SEMA4C: variants seen among roughly 807,000 people sequenced by gnomAD.
SEMA4C encodes semaphorin 4C, also known as semaphorin-4C.
Under a neutral mutation model 89.0 loss-of-function variants are expected in SEMA4C, and 19 were observed. The observed-to-expected ratio is 0.21, with a 90% CI of 0.15 to 0.31. The LOEUF (loss-of-function observed/expected upper bound fraction) is 0.31, where lower values mean the gene tolerates loss of function less well. Ranked by LOEUF, SEMA4C falls within the 10% of genes least tolerant of loss-of-function variation. The pLI is 1.00. For synonymous variants in SEMA4C, 428 were observed against 472.7 expected (o/e 0.91, Z 1.23); for missense variants, 811 against 1,107.0 (o/e 0.73, Z 3.79).
At position 96,861,324 on chromosome 2, in the gene SEMA4C, A is replaced by T. The variant is rs142553481; in HGVS notation, c.1804T>A (p.Ser602Thr). The T allele has an allele frequency of 1.9e-3, 2,978 of 1,607,074 alleles. 4 individuals are homozygous for T. Among genetic ancestry groups the T allele is most frequent in the Non-Finnish European group, 2.3e-3 (2,668 of 1,179,932 alleles). The change falls in exon 15 of 15, where the codon TCC becomes ACC. Residue 602 changes from serine (S) to threonine (T), a missense_variant. By Grantham distance (58) the Ser-to-Thr change is moderately conservative (BLOSUM62 1). Around this residue, in one of 4 missense-constraint regions of SEMA4C, gnomAD observed 441 missense variants for 664.9 expected, o/e 0.66. Coordinates refer to ENST00000305476, the MANE Select transcript of SEMA4C (RefSeq NM_017789.5). This position sits in a 1 kb window ranked among gnomAD's most constrained non-coding sequence, Gnocchi z 7.8. ...GRDLPAEQPG[S>T]FLYDARLQAL... ...TGGAGCCGGGCATCGTAGAGGAAGG[A>T]CCCGGGCTGTTCCGCAGGCAGGTCC...
In SEMA4C at chr2:96,861,036, C is replaced by A; in HGVS notation, c.2092G>T (p.Ala698Ser). ...RRLREELEKG[A>S]KATERTLVYP... ...ACCAAGGTCCTCTCAGTAGCCTTGG[C>A]CCCTTTCTCCAGCTCTTCCCGCAGC... The change falls in exon 15 of 15, where the codon GCC (alanine) becomes TCC (serine). Residue 698 changes from alanine to serine, a missense_variant. This residue lies in a region of SEMA4C where 248 missense variants were observed against 269.0 expected (regional missense o/e 0.92). Transcript: ENST00000305476. This position sits in a 1 kb window ranked among gnomAD's most constrained non-coding sequence, Gnocchi z 7.8. The A allele has an allele frequency of 6.2e-7, 1 of 1,612,906 alleles. No homozygotes were observed. The highest frequency in any genetic ancestry group is 8.5e-7 in the Non-Finnish European group (1 of 1,179,994).
At position 96,864,499 on chromosome 2, in the gene SEMA4C, G is replaced by A; in HGVS notation, c.963-117C>T. 6.8e-7 allele frequency: 1 copy of A among 1,477,836 alleles called. No homozygotes were observed. 91.5% of individuals were successfully genotyped at this position (1,477,836 alleles called of 1,614,324 possible). On this transcript the variant is annotated intron_variant, in intron 9 of 14. Coordinates refer to ENST00000305476, the MANE Select transcript of SEMA4C (RefSeq NM_017789.5). The surrounding 1 kb of genome is among the most constrained non-coding windows in gnomAD (Gnocchi z 6.3). ...ACAAACTGGCCATGGGTACCAGAAT[G>A]CCCTGGCAGCTCAAGTGCCACCTGG... is the stretch of plus-strand genomic sequence containing the variant.
In SEMA4C at chr2:96,861,474, CAG is replaced by C. The variant is rs1381130707; in HGVS notation, c.1673-21_1673-20del. Reference sequence around the variant, plus strand: ...GGCCTGACTGTAGTGGCAGAGAAAACAGAGTGCATGTTAGTGCAGGAAAGCAG... The same window carrying C: ...GGCCTGACTGTAGTGGCAGAGAAAACAGTGCATGTTAGTGCAGGAAAGCAG... On this transcript the variant is annotated intron_variant, in intron 14 of 14. Coordinates refer to ENST00000305476, the MANE Select transcript of SEMA4C (RefSeq NM_017789.5). This position sits in a 1 kb window ranked among gnomAD's most constrained non-coding sequence, Gnocchi z 7.8. The C allele has an allele frequency of 6.2e-7, 1 of 1,612,684 alleles. No homozygotes were observed. Among genetic ancestry groups the C allele is most frequent in the Non-Finnish European group, 8.5e-7 (1 of 1,179,264 alleles).
Position 96,866,363 on chromosome 2 carries a change from C to T in SEMA4C, c.178G>A (p.Glu60Lys). The T allele has an allele frequency of 6.2e-7, 1 of 1,613,952 alleles. No homozygotes were observed. The highest frequency in any genetic ancestry group is 1.3e-5 in the African/African-American group (1 of 75,088). ...CCCACGTACAGAAGCCCAGTGGGCT[C>T]CGTCAGCGTCAGTGTCAGGAAGTCC... The part of the protein sequence containing the change: ...IQDFLTLTLT[E>K]PTGLLYVGAR... The change falls in exon 3 of 15, where the codon GAG becomes AAG. Residue 60 changes from glutamate (E) to lysine (K), a missense_variant. Around this residue, in one of 4 missense-constraint regions of SEMA4C, gnomAD observed 119 missense variants for 152.7 expected, o/e 0.78. Coordinates refer to ENST00000305476, the MANE Select transcript of SEMA4C (RefSeq NM_017789.5).
intron 6 of SEMA4C, 53 bp downstream of exon 6, chr2:96,865,388 G>A: frequency 6.2e-7 from 1 of 1,611,274 alleles, no homozygotes; most frequent in Non-Finnish European, 8.5e-7. Flanking sequence ...ACAGACCCAA[G>A]TGGAACCAAG....
chr2:96,860,659 C>T lies in SEMA4C; in HGVS notation c.2469G>A (p.Leu823=). ...ATGACTCCTCGGGGTTGGAGTCGGG[C>T]AGTGGCTGGCGTTGCTGCAGTTTGC... ...LRRKLQQRQP[L]PDSNPEESSV is the part of the protein sequence containing the mutation. The change falls in exon 15 of 15, where the codon CTG becomes CTA. Residue 823 remains leucine (L), a synonymous_variant. Coordinates refer to ENST00000305476, the MANE Select transcript of SEMA4C (RefSeq NM_017789.5). 6.2e-7 allele frequency: 1 copy of T among 1,612,016 alleles called. No homozygotes were observed.
Position 96,861,213 on chromosome 2 carries a change from C to T in SEMA4C, c.1915G>A (p.Glu639Lys), listed in dbSNP as rs1206866071. ...GCCACGACAGCCACAAGGTAGCCTT[C>T]AGCAGCCAGCCGCGCCCCCTGCTCC... Reference protein sequence around the residue: ...SEEQGARLAAEGYLVAVVAGP... With the variant: ...SEEQGARLAAKGYLVAVVAGP... Residue 639 changes from glutamate to lysine, a missense_variant, in exon 15 of 15, where the codon GAA becomes AAA. This residue lies in a region of SEMA4C where 248 missense variants were observed against 269.0 expected (regional missense o/e 0.92). Coordinates refer to ENST00000305476, the MANE Select transcript of SEMA4C (RefSeq NM_017789.5). The surrounding 1 kb of genome is among the most constrained non-coding windows in gnomAD (Gnocchi z 7.8). 4 of 1,610,544 alleles carry T rather than the reference C, an allele frequency of 2.5e-6. No individual in the cohort carries two copies. The highest frequency in any genetic ancestry group is 3.4e-6 in the Non-Finnish European group (4 of 1,179,730).
Position 96,866,380 on chromosome 2 carries a change from AG to A in SEMA4C, c.160del (p.Leu54Ter). The A allele has an allele frequency of 6.2e-7, 1 of 1,613,964 alleles. No individual in the cohort carries two copies. The highest frequency in any genetic ancestry group is 8.5e-7 in the Non-Finnish European group (1 of 1,180,030). ...RFSQTGIQDF[L>X]TLTLTEPTGL... is the part of the protein sequence containing the mutation. ...AGTGGGCTCCGTCAGCGTCAGTGTC[AG>A]GAAGTCCTGGATGCCGGTCTGGGAG... On this transcript the variant is annotated frameshift_variant, in exon 3 of 15. Transcript: ENST00000305476. LOFTEE classifies it high-confidence loss of function.
intron 1 of SEMA4C, chr2:96,868,843 C>A: frequency 1.0e-6 from 1 of 985,422 alleles, no homozygotes. Context: ...TCTGACGAAC[C>A]TTCCCAACTC....
At chr2:96,870,401 G>T, upstream of SEMA4C, 3 of 680,460 alleles carry the variant, frequency 4.4e-6, no homozygotes, top group Non-Finnish European at 5.4e-6. Context: ...AGTGTCCCCC[G>T]AAGACTCCGG....
In SEMA4C at chr2:96,860,507, G is replaced by A; in HGVS notation, c.*119C>T. 1 of 916,432 alleles carries A rather than the reference G, an allele frequency of 1.1e-6. No individual in the cohort carries two copies. Among genetic ancestry groups the A allele is most frequent in the African/African-American group, 1.7e-5 (1 of 60,138 alleles). 56.8% of individuals were successfully genotyped at this position (916,432 alleles called of 1,614,324 possible). A position where few individuals can be genotyped will look rare whatever the true frequency, so the allele number is the denominator to read the frequency against. ...AGGTCCTCATGGCCGGGTGGGTGCTGGGCAGTATCTGTCCCAGACAGAGCA... is the reference window on the plus strand; with the variant it reads ...AGGTCCTCATGGCCGGGTGGGTGCTAGGCAGTATCTGTCCCAGACAGAGCA... On this transcript the variant is annotated 3_prime_UTR_variant, in exon 15 of 15. Transcript: ENST00000305476.
At position 96,863,936 on chromosome 2, in the gene SEMA4C, G is replaced by A. The variant is rs2153363460; in HGVS notation, c.1320C>T (p.Phe440=). Reference sequence around the variant, plus strand: ...TACCCATGCACCCACCTGTGCCAATGAACAGCACTGTATAGGTGGCTCCAT... The same window carrying A: ...TACCCATGCACCCACCTGTGCCAATAAACAGCACTGTATAGGTGGCTCCAT... ...GLDGATYTVL[F]IGTGDGWLLK... is the part of the protein sequence containing the mutation. Residue 440 remains phenylalanine, a synonymous_variant, in exon 11 of 15, where the codon TTC becomes TTT. Coordinates refer to ENST00000305476, the MANE Select transcript of SEMA4C (RefSeq NM_017789.5). The A allele has an allele frequency of 1.9e-6, 3 of 1,609,582 alleles. No homozygotes were observed. Among genetic ancestry groups the A allele is most frequent in the Non-Finnish European group, 2.5e-6 (3 of 1,177,100 alleles).
rs1163775938 is a variant in SEMA4C at position 96,864,668 on chromosome 2, G to A, written c.962+37C>T. 1.3e-6 allele frequency: 2 copies of A among 1,574,426 alleles called. No homozygotes were observed. The highest frequency in any genetic ancestry group is 1.7e-6 in the Non-Finnish European group (2 of 1,157,082). On this transcript the variant is annotated intron_variant, in intron 9 of 14. Transcript: ENST00000305476. The surrounding 1 kb of genome is among the most constrained non-coding windows in gnomAD (Gnocchi z 6.3). The stretch of plus-strand genomic sequence containing the variant: ...TGCACCGTCCCTGACCTGAACCCCA[G>A]CTCCTCCCCACTCTGTGGGAGCCCT...
At chr2:96,867,727 AC>A in intron 2 of SEMA4C, 50 bp downstream of exon 2, 1 of 1,556,148 alleles carries the variant, frequency 6.4e-7, no homozygotes, top group Non-Finnish European at 8.8e-7. Context: ...TATGGGGGCA[AC>A]TCCTCAGCAG....
chr2:96,861,776 A>G lies in SEMA4C; in HGVS notation c.1562T>C (p.Val521Ala). The change falls in exon 13 of 15, where the codon GTC becomes GCC. Residue 521 changes from valine (V) to alanine (A), a missense_variant. Around this residue, in one of 4 missense-constraint regions of SEMA4C, gnomAD observed 441 missense variants for 664.9 expected, o/e 0.66. Coordinates refer to ENST00000305476, the MANE Select transcript of SEMA4C (RefSeq NM_017789.5). This position sits in a 1 kb window ranked among gnomAD's most constrained non-coding sequence, Gnocchi z 7.8. ...CACGGCCACACAGCGGCTGGTGTTG[A>G]CGCTCCAGGCGCAATAGGGGTCCCG... ...LARDPYCAWS[V>A]NTSRCVAVGG... The G allele has an allele frequency of 6.2e-7, 1 of 1,613,414 alleles. No homozygotes were observed. Among genetic ancestry groups the G allele is most frequent in the Non-Finnish European group, 8.5e-7 (1 of 1,179,994 alleles).
At chr2:96,863,660 C>T in intron 12 of SEMA4C, 22 bp downstream of exon 12, 1 of 1,593,188 alleles carries the variant, frequency 6.3e-7, no homozygotes. Flanking sequence ...GGGACAGTGG[C>T]AGATAGGGCC....
intron 12 of SEMA4C, 173 bp from the exon 13 acceptor site, chr2:96,862,067 T>A (rs1414401184): frequency 2.5e-5 from 17 of 687,234 alleles, no homozygotes; most frequent in Non-Finnish European, 3.1e-5. Context: ...AAAAGGGAAC[T>A]CTAAGAACCG....
Position 96,864,942 on chromosome 2 carries a change from CCA to C in SEMA4C, c.786+20_786+21del. 6.2e-7 allele frequency: 1 copy of C among 1,604,128 alleles called. No homozygotes were observed. Reference sequence around the variant, plus strand: ...GCTGGGCCAGCAGGGCTCCCAGGGCCCACCGCTGTGAGACTCGGTACCTTGCA... The same window carrying C: ...GCTGGGCCAGCAGGGCTCCCAGGGCCCCGCTGTGAGACTCGGTACCTTGCA... On this transcript the variant is annotated intron_variant, in intron 8 of 14. Coordinates refer to ENST00000305476, the MANE Select transcript of SEMA4C (RefSeq NM_017789.5). The surrounding 1 kb of genome is among the most constrained non-coding windows in gnomAD (Gnocchi z 6.3).
Position 96,866,560 on chromosome 2 carries a change from G to A in SEMA4C, c.110-129C>T, listed in dbSNP as rs545846887. 3.0e-6 allele frequency: 4 copies of A among 1,322,190 alleles called. No individual in the cohort carries two copies. In the Admixed American group the frequency reaches 5.5e-5, roughly 18 times the overall value. 81.9% of individuals were successfully genotyped at this position (1,322,190 alleles called of 1,614,324 possible). The stretch of plus-strand genomic sequence containing the variant: ...GCCAAACCCCCTGATTGGCAATAAA[G>A]GACACTTTTGAAACAGCCTTTGGCC... On this transcript the variant is annotated intron_variant, in intron 2 of 14. Coordinates refer to ENST00000305476, the MANE Select transcript of SEMA4C (RefSeq NM_017789.5).
Sources: allele counts gnomAD v4.1 joint callset, GRCh38; gene constraint gnomAD v4.1.1; regional missense constraint gnomAD v4.1.1; non-coding constraint Gnocchi (gnomAD v3.1); transcripts MANE v1.5; gene names NCBI Gene and HGNC (gene_info 2026-07-23, HGNC 2026-07-21).